RNF13: variants seen among roughly 807,000 people sequenced by gnomAD.
RNF13 encodes ring finger protein 13.
RNF13 carries 19 observed loss-of-function variants against 37.7 expected under a neutral mutation model. The observed-to-expected ratio is 0.50, with a 90% CI of 0.35 to 0.74. RNF13 has a LOEUF of 0.74. Among genes scored for constraint, RNF13 ranks in the 30% least tolerant of loss-of-function variants. The probability of loss-of-function intolerance (pLI) is 0.01; values close to 1 mark genes in which losing one functional copy is unlikely to be tolerated. For synonymous variants in RNF13, 144 were observed against 157.8 expected (o/e 0.91, Z 0.65); for missense variants, 375 against 453.0 (o/e 0.83, Z 1.56).
intron 6 of RNF13, 101 bp from the exon 7 acceptor site, chr3:149,911,877 G>T: frequency 1.4e-6 from 1 of 694,244 alleles, no homozygotes. Flanking sequence ...TAATTGTAAT[G>T]TCTATATGTC....
chr3:149,876,866 C>T (rs2108451225), intron 4 of RNF13, among the ~76,000 whole-genome samples: 1 of 148,212 alleles, frequency 6.7e-6, no homozygotes, highest in East Asian at 2.0e-4. Flanking sequence ...GCAACCTCTG[C>T]CTCCCGGGTT....
chr3:149,819,183 C>T (rs768390743), intron 1 of RNF13, among the ~76,000 whole-genome samples: 3 of 152,148 alleles, frequency 2.0e-5, no homozygotes, highest in South Asian at 2.1e-4. Context: ...TGTTTCACTT[C>T]ACTAACGTAG....
intron 4 of RNF13, among the ~76,000 whole-genome samples, chr3:149,890,098 A>G (rs932895090): frequency 6.6e-6 from 1 of 152,220 alleles, no homozygotes; most frequent in East Asian, 1.9e-4. Flanking sequence ...AAAGTTTCTC[A>G]GCTTTCCTAT....
chr3:149,938,119 T>C (rs1719883371), intron 8 of RNF13, among the ~76,000 whole-genome samples: 1 of 151,834 alleles, frequency 6.6e-6, no homozygotes, highest in East Asian at 1.9e-4. Context: ...TGTTATTAGG[T>C]ACATACACAT....
chr3:149,887,969 AAAG>A (rs1714241810), intron 4 of RNF13, among the ~76,000 whole-genome samples: 1 of 152,226 alleles, frequency 6.6e-6, no homozygotes, highest in Non-Finnish European at 1.5e-5. Context: ...AGCAAAAAGA[AAAG>A]AAAGACGCTT....
At chr3:149,828,868 C>T (rs774603541) in intron 1 of RNF13, among the ~76,000 whole-genome samples, 5 of 152,094 alleles carry the variant, frequency 3.3e-5, no homozygotes, top group Non-Finnish European at 5.9e-5. Flanking sequence ...GTCTGCATCT[C>T]AAGGGGAGGG....
intron 8 of RNF13, among the ~76,000 whole-genome samples, chr3:149,952,497 T>G (rs1246738094): frequency 6.6e-6 from 1 of 152,150 alleles, no homozygotes; most frequent in Non-Finnish European, 1.5e-5. Context: ...AATTTGAGTT[T>G]GTTGAAGTTG....
intron 8 of RNF13, among the ~76,000 whole-genome samples, chr3:149,923,498 G>A (rs1410776603): frequency 6.6e-6 from 1 of 152,032 alleles, no homozygotes; most frequent in Non-Finnish European, 1.5e-5. Context: ...CAGGCACGGT[G>A]GCTCACACCT....
intron 8 of RNF13, among the ~76,000 whole-genome samples, chr3:149,935,388 T>C (rs188051775): frequency 8.2e-4 from 125 of 152,292 alleles, no homozygotes; most frequent in Non-Finnish European, 1.3e-3. Context: ...TATTGATAGG[T>C]AAGAACTTCC....
intron 3 of RNF13, among the ~76,000 whole-genome samples, chr3:149,861,648 G>C (rs1724265938): frequency 6.6e-6 from 1 of 152,080 alleles, no homozygotes; most frequent in Non-Finnish European, 1.5e-5. Context: ...GAGAGGGGGA[G>C]ATGAAGAAAG....
At chr3:149,899,488 A>C (rs182700232) in intron 5 of RNF13, among the ~76,000 whole-genome samples, 55 of 152,320 alleles carry the variant, frequency 3.6e-4, no homozygotes, top group African/African-American at 1.3e-3. Context: ...AAATAAAAAA[A>C]AATAAGTTTT....
At chr3:149,906,697 C>T (rs867974313) in intron 6 of RNF13, among the ~76,000 whole-genome samples, 3 of 127,694 alleles carry the variant, frequency 2.3e-5, no homozygotes, top group Non-Finnish European at 3.1e-5. Flanking sequence ...ACTCCAGTTG[C>T]GCAGGCTGGA....
chr3:149,950,169 A>G (rs1438210345), intron 8 of RNF13, among the ~76,000 whole-genome samples: 1 of 152,186 alleles, frequency 6.6e-6, no homozygotes, highest in East Asian at 1.9e-4. Flanking sequence ...CTTTGCCTAC[A>G]TTAACCAACC....
At chr3:149,880,857 A>G (rs577951145) in intron 4 of RNF13, among the ~76,000 whole-genome samples, 5 of 152,292 alleles carry the variant, frequency 3.3e-5, no homozygotes, top group African/African-American at 1.2e-4. Context: ...CCAACAACCT[A>G]TGGAATATTA....
intron 3 of RNF13, among the ~76,000 whole-genome samples, chr3:149,866,824 T>C (rs553226271): frequency 5.3e-5 from 8 of 152,344 alleles, no homozygotes; most frequent in African/African-American, 1.9e-4. Context: ...TTTTGTTTAC[T>C]TGCCATGTAT....
chr3:149,814,933 GTT>G (rs759720092), intron 1 of RNF13, among the ~76,000 whole-genome samples: 2 of 145,100 alleles, frequency 1.4e-5, no homozygotes, highest in Admixed American at 6.9e-5. Context: ...TGTTTTATTA[GTT>G]TTTTTTTTTT....
In RNF13 at chr3:149,960,915, T is replaced by C; in HGVS notation, c.957T>C (p.Ser319=). 6.2e-7 allele frequency: 1 copy of C among 1,614,208 alleles called. No individual in the cohort carries two copies. The highest frequency in any genetic ancestry group is 8.5e-7 in the Non-Finnish European group (1 of 1,180,038). Residue 319 remains serine, a synonymous_variant, in exon 10 of 10, where the codon AGT becomes AGC. Coordinates refer to ENST00000392894, the MANE Select transcript of RNF13 (RefSeq NM_183381.3). Reference sequence around the variant, plus strand: ...TACTGAGACCTTTAGCTTCTGTCAGTGCCCAGTCATTTGGGGCTTTATCGG... The same window carrying C: ...TACTGAGACCTTTAGCTTCTGTCAGCGCCCAGTCATTTGGGGCTTTATCGG... ...TPLLRPLASV[S]AQSFGALSES... is the part of the protein sequence containing the mutation.
At chr3:149,931,772 A>T (rs1167511100) in intron 8 of RNF13, among the ~76,000 whole-genome samples, 1 of 152,188 alleles carries the variant, frequency 6.6e-6, no homozygotes, top group East Asian at 1.9e-4. Context: ...GCCTTACCAT[A>T]CTATCAAAAA....
intron 1 of RNF13, among the ~76,000 whole-genome samples, chr3:149,836,678 A>G (rs1721657440): frequency 1.3e-5 from 2 of 152,140 alleles, no homozygotes; most frequent in Non-Finnish European, 2.9e-5. Context: ...ACTTCTGGGT[A>G]TATGCCACAA....
Sources: gnomAD v4.1 joint callset for allele counts (sites outside exome capture counted in the v4.1 genomes callset) on GRCh38, gnomAD v4.1.1 for gene constraint, MANE v1.5 for transcripts, NCBI Gene and HGNC (gene_info 2026-07-23, HGNC 2026-07-21) for gene names.